Variants in PIP5KL1 observed in about 807,000 individuals in gnomAD.
The protein encoded by PIP5KL1 is phosphatidylinositol 4-phosphate 5-kinase-like protein 1.
PIP5KL1 carries 45 observed loss-of-function variants against 47.6 expected under a neutral mutation model. The observed-to-expected ratio is 0.94, with a 90% CI of 0.74 to 1.21. The LOEUF is 1.21. Ranked by LOEUF, PIP5KL1 falls within the 50% of genes most tolerant of loss-of-function variation. The probability of loss-of-function intolerance (pLI) is 0.00; values close to 1 mark genes in which losing one functional copy is unlikely to be tolerated. For synonymous variants in PIP5KL1, 256 were observed against 234.6 expected, an observed-to-expected ratio of 1.09 and a Z score of -0.84; for missense variants, 577 against 547.6, an observed-to-expected ratio of 1.05 and a Z score of -0.54.
intron 1 of PIP5KL1, 116 bp downstream of exon 1, chr9:127,930,607 C>A: frequency 1.6e-6 from 2 of 1,290,214 alleles, no homozygotes; most frequent in South Asian, 1.8e-5. Flanking sequence ...TCTTCGCCGG[C>A]TGCAGGGCCC....
chr9:127,930,709 G>A lies in PIP5KL1; in HGVS notation c.30+14C>T. 1 of 1,567,614 alleles carries A rather than the reference G, an allele frequency of 6.4e-7. No homozygotes were observed. The highest frequency in any genetic ancestry group is 8.6e-7 in the Non-Finnish European group (1 of 1,160,326). Reference sequence around the variant, plus strand: ...ACCCTTCCCTCTCCTGTCCTCTCTCGGGTCCGCACCTACCTCGCGGGGCCC... The same window carrying A: ...ACCCTTCCCTCTCCTGTCCTCTCTCAGGTCCGCACCTACCTCGCGGGGCCC... On this transcript the variant is annotated intron_variant, in intron 1 of 9. Transcript: ENST00000388747.
In PIP5KL1 at chr9:127,927,261, C is replaced by T. The variant is rs1831376278; in HGVS notation, c.594+36G>A. On this transcript the variant is annotated intron_variant, in intron 6 of 9. Coordinates refer to ENST00000388747, the MANE Select transcript of PIP5KL1 (RefSeq NM_001135219.2). This position sits in a 1 kb window ranked among gnomAD's most constrained non-coding sequence, Gnocchi z 5.5. The stretch of plus-strand genomic sequence containing the variant: ...GGCCGGCTGTCGCCCTCCAGCCGCC[C>T]GCTCCGCCCAGCCACCTCGCCTCGG... 1 of 1,611,438 alleles carries T rather than the reference C, an allele frequency of 6.2e-7. No homozygotes were observed. The highest frequency in any genetic ancestry group is 8.5e-7 in the Non-Finnish European group (1 of 1,179,338).
In PIP5KL1 at chr9:127,927,252, C is replaced by T. The variant is rs200658103; in HGVS notation, c.595-44G>A. On this transcript the variant is annotated intron_variant, in intron 6 of 9. Transcript: ENST00000388747. This position sits in a 1 kb window ranked among gnomAD's most constrained non-coding sequence, Gnocchi z 5.5. Reference sequence around the variant, plus strand: ...AGTGAGGGAGGCCGGCTGTCGCCCTCCAGCCGCCCGCTCCGCCCAGCCACC... The same window carrying T: ...AGTGAGGGAGGCCGGCTGTCGCCCTTCAGCCGCCCGCTCCGCCCAGCCACC... 6.9e-4 allele frequency: 1,112 copies of T among 1,611,456 alleles called. No individual in the cohort carries two copies. The highest frequency in any genetic ancestry group is 1.5e-3 in the Admixed American group (87 of 59,798).
Position 127,927,159 on chromosome 9 carries a change from G to C in PIP5KL1, c.644C>G (p.Ser215Cys). 8.7e-6 allele frequency: 14 copies of C among 1,611,512 alleles called. No homozygotes were observed. Among genetic ancestry groups the C allele is most frequent in the South Asian group, 2.2e-5 (2 of 90,792 alleles). The change falls in exon 7 of 10, where the codon TCC becomes TGC. Residue 215 changes from serine (S) to cysteine (C), a missense_variant. Coordinates refer to ENST00000388747, the MANE Select transcript of PIP5KL1 (RefSeq NM_001135219.2). This position sits in a 1 kb window ranked among gnomAD's most constrained non-coding sequence, Gnocchi z 5.5. ...ACCTGCTTAGGCCACTCACCTCTCG[G>C]AGATGCGGCCGGCGGGGTAGAAGAC... ...QSVFYPAGRISERYDIKGCEV... is the reference protein window; with the variant it reads ...QSVFYPAGRICERYDIKGCEV...
chr9:127,926,860 A>C (rs916196250), intron 7 of PIP5KL1, among the ~76,000 whole-genome samples: 4 of 152,208 alleles, frequency 2.6e-5, no homozygotes, highest in African/African-American at 7.2e-5. Context: ...CCCACATGTT[A>C]GCTGTGTGGC....
At chr9:127,923,206 C>T (rs1831314924) in intron 9 of PIP5KL1, among the ~76,000 whole-genome samples, 1 of 152,182 alleles carries the variant, frequency 6.6e-6, no homozygotes, top group Admixed American at 6.5e-5. Context: ...TGTCCTCAGG[C>T]GTCATTGAAG....
chr9:127,923,457 A>G (rs1407015549), intron 9 of PIP5KL1, among the ~76,000 whole-genome samples: 2 of 152,258 alleles, frequency 1.3e-5, no homozygotes, highest in African/African-American at 4.8e-5. Flanking sequence ...CAACAATTCC[A>G]TGCAAACCAG....
chr9:127,924,469 C>G (rs1025733152), intron 9 of PIP5KL1, among the ~76,000 whole-genome samples: 1 of 145,942 alleles, frequency 6.9e-6, no homozygotes, highest in Admixed American at 6.9e-5. Context: ...CCAGCCTGGG[C>G]TACAGAGTAA....
Position 127,921,614 on chromosome 9 carries a change from G to A in PIP5KL1, c.*233C>T. On this transcript the variant is annotated 3_prime_UTR_variant, in exon 10 of 10. Transcript: ENST00000388747. The stretch of plus-strand genomic sequence containing the variant: ...GCCTCCATTTCATGGTCTGTAAAAA[G>A]AGAATAATAGCATTTTTTGAGGATT... 1.7e-6 allele frequency: 1 copy of A among 589,100 alleles called. No homozygotes were observed. The highest frequency in any genetic ancestry group is 2.9e-6 in the Non-Finnish European group (1 of 340,694). 36.5% of individuals were successfully genotyped at this position (589,100 alleles called of 1,614,324 possible). A position where few individuals can be genotyped will look rare whatever the true frequency, so the allele number is the denominator to read the frequency against.
intron 9 of PIP5KL1, among the ~76,000 whole-genome samples, chr9:127,922,694 C>CAAA (rs386416269): frequency 0.38 from 33,531 of 89,208 alleles, 7,634 homozygotes; most frequent in Admixed American, 0.49. Context: ...GACTCTGTCT[C>CAAA]AAAAAAAAAA....
At chr9:127,928,261 C>A in intron 3 of PIP5KL1, 42 bp from the exon 4 acceptor site, 2 of 1,528,762 alleles carry the variant, frequency 1.3e-6, no homozygotes, top group South Asian at 1.2e-5. Flanking sequence ...TCTGCGTGGG[C>A]CCGGGTGTGT....
intron 9 of PIP5KL1, among the ~76,000 whole-genome samples, chr9:127,922,708 AAAAGAAAAAAG>A (rs1225220714): frequency 2.8e-4 from 40 of 140,918 alleles, no homozygotes; most frequent in African/African-American, 9.6e-4. Flanking sequence ...AAAAAAAAAA[AAAAGAAAAAAG>A]AAAAAGAAAA....
At position 127,929,555 on chromosome 9, in the gene PIP5KL1, G is replaced by T; in HGVS notation, c.228+133C>A. The T allele has an allele frequency of 1.0e-6, 1 of 983,312 alleles. No homozygotes were observed. The highest frequency in any genetic ancestry group is 2.8e-5 in the East Asian group (1 of 36,234). The allele number at this position is 983,312 out of a possible 1,614,324, so 60.9% of individuals were successfully genotyped here. On this transcript the variant is annotated intron_variant, in intron 2 of 9. Transcript: ENST00000388747. This position sits in a 1 kb window ranked among gnomAD's most constrained non-coding sequence, Gnocchi z 4.0. Reference sequence around the variant, plus strand: ...GACGTTCCAGCTCCCACACCACAATGTTCCTCCCTCTCTGCCTTCCTCCCC... The same window carrying T: ...GACGTTCCAGCTCCCACACCACAATTTTCCTCCCTCTCTGCCTTCCTCCCC...
rs768348368 is a variant in PIP5KL1 at position 127,930,772 on chromosome 9, C to T, written c.-20G>A. 4.6e-6 allele frequency: 7 copies of T among 1,535,340 alleles called. No individual in the cohort carries two copies. The Admixed American group carries it at 1.4e-4, about 30-fold the overall frequency. ...AGCCATCGCCCCCGCAGCAGCTTCCCGGGCTTTGGCCGCATTCCCCGCCGC... is the reference window on the plus strand; with the variant it reads ...AGCCATCGCCCCCGCAGCAGCTTCCTGGGCTTTGGCCGCATTCCCCGCCGC... On this transcript the variant is annotated 5_prime_UTR_variant, in exon 1 of 10. Coordinates refer to ENST00000388747, the MANE Select transcript of PIP5KL1 (RefSeq NM_001135219.2).
chr9:127,928,778 G>T, intron 2 of PIP5KL1: 1 of 491,260 alleles, frequency 2.0e-6, no homozygotes. Flanking sequence ...CTCACAGGCT[G>T]GCCAAGTGAA....
In PIP5KL1 at chr9:127,921,814, C is replaced by G; in HGVS notation, c.*33G>C. ...ACCGGCGTTCCTGGCGTGAGCCCATCGTCCAGATCCGGAGAGTGGGGCCGG... is the reference window on the plus strand; with the variant it reads ...ACCGGCGTTCCTGGCGTGAGCCCATGGTCCAGATCCGGAGAGTGGGGCCGG... On this transcript the variant is annotated 3_prime_UTR_variant, in exon 10 of 10. Coordinates refer to ENST00000388747, the MANE Select transcript of PIP5KL1 (RefSeq NM_001135219.2). The G allele has an allele frequency of 6.5e-7, 1 of 1,547,128 alleles. No homozygotes were observed. The highest frequency in any genetic ancestry group is 8.7e-7 in the Non-Finnish European group (1 of 1,150,534).
chr9:127,926,403 C>T (rs1405655023), intron 7 of PIP5KL1, among the ~76,000 whole-genome samples: 2 of 152,048 alleles, frequency 1.3e-5, no homozygotes, highest in Non-Finnish European at 2.9e-5. Flanking sequence ...ACTACAGGCA[C>T]GTGCCATCAC....
intron 9 of PIP5KL1, among the ~76,000 whole-genome samples, 191 bp downstream of exon 9, chr9:127,924,916 G>A (rs1435717413): frequency 2.7e-5 from 4 of 150,922 alleles, no homozygotes; most frequent in South Asian, 2.1e-4. Flanking sequence ...ACACATGCAC[G>A]CACACACACG....
chr9:127,924,561 C>A (rs1280401556), intron 9 of PIP5KL1, among the ~76,000 whole-genome samples: 1 of 145,914 alleles, frequency 6.9e-6, no homozygotes, highest in Non-Finnish European at 1.5e-5. Flanking sequence ...GAGGATGAGG[C>A]AGGAGAATCG....
Sources: gnomAD v4.1 joint callset for allele counts (sites outside exome capture counted in the v4.1 genomes callset) on GRCh38, gnomAD v4.1.1 for gene constraint, Gnocchi (gnomAD v3.1) non-coding constraint, MANE v1.5 for transcripts, NCBI Gene and HGNC (gene_info 2026-07-23, HGNC 2026-07-21) for gene names.